Variants in PCDHGA5 observed in about 807,000 individuals in gnomAD.
PCDHGA5 encodes protocadherin gamma-A5.
PCDHGA5 carries 36 observed loss-of-function variants against 56.7 expected under a neutral mutation model. The observed-to-expected ratio is 0.64, with a 90% CI of 0.49 to 0.84. The LOEUF (loss-of-function observed/expected upper bound fraction) is 0.84, where lower values mean the gene tolerates loss of function less well. PCDHGA5 is among the 40% of genes least tolerant of loss of function. PCDHGA5 has a pLI of 0.00. For synonymous variants in PCDHGA5, 563 were observed against 520.2 expected, an observed-to-expected ratio of 1.08 and a Z score of -1.12; for missense variants, 1,305 against 1,201.5, an observed-to-expected ratio of 1.09 and a Z score of -1.27.
intron 1 of PCDHGA5, chr5:141,374,146 G>A (rs770813485): frequency 5.0e-6 from 8 of 1,611,142 alleles, no homozygotes; most frequent in East Asian, 4.5e-5. Context: ...CGCTCCTGGG[G>A]ACGCTGTGGG....
In PCDHGA5 at chr5:141,389,482, G is replaced by A. The variant is rs766365115; in HGVS notation, c.2421+22731G>A. ...GCCTTCGAACTCACACTGCAGGCCC[G>A]CGACCAGGGCTCGCCAGCGCTCAGC... is the stretch of plus-strand genomic sequence containing the variant. On this transcript the variant is annotated intron_variant, in intron 1 of 3. Transcript: ENST00000518069. 4 of 1,613,080 alleles carry A rather than the reference G, an allele frequency of 2.5e-6. No homozygotes were observed. The South Asian group carries it at 3.3e-5, about 13-fold the overall frequency.
At position 141,490,785 on chromosome 5, in the gene PCDHGA5, G is replaced by A. The variant is rs1021708826; in HGVS notation, c.2422-4022G>A. 1.2e-6 allele frequency: 2 copies of A among 1,614,066 alleles called. No individual in the cohort carries two copies. Among genetic ancestry groups the A allele is most frequent in the Non-Finnish European group, 1.7e-6 (2 of 1,179,952 alleles). On this transcript the variant is annotated intron_variant, in intron 1 of 3. Coordinates refer to ENST00000518069, the MANE Select transcript of PCDHGA5 (RefSeq NM_018918.3). The surrounding 1 kb of genome is among the most constrained non-coding windows in gnomAD (Gnocchi z 5.4). ...TGTATGTCAACCCAGAGGATGGACG[G>A]ATCTTTGCCCAGCGTACCTTTGACT...
chr5:141,381,826 CTTTT>C (rs770630741), intron 1 of PCDHGA5, among the ~76,000 whole-genome samples: 27 of 74,296 alleles, frequency 3.6e-4, no homozygotes, highest in Middle Eastern at 8.1e-3. Context: ...CTTTCTTCTT[CTTTT>C]TTTTTTTTTT....
chr5:141,468,677 T>A (rs545029270), intron 1 of PCDHGA5: 1 of 150,902 alleles, frequency 6.6e-6, no homozygotes, highest in African/African-American at 2.4e-5. Flanking sequence ...CCATCCTGGC[T>A]AACACGGTGA....
chr5:141,448,099 T>C (rs1002430560), intron 1 of PCDHGA5, among the ~76,000 whole-genome samples: 1 of 151,272 alleles, frequency 6.6e-6, no homozygotes, highest in African/African-American at 2.4e-5. Context: ...AAAAAAAAAA[T>C]TAAAAGAAAA....
intron 1 of PCDHGA5, chr5:141,393,144 G>T (rs745405842): frequency 1.2e-6 from 2 of 1,613,316 alleles, no homozygotes; most frequent in Non-Finnish European, 1.7e-6. Flanking sequence ...CACCCTGGTT[G>T]AGGATAAAGG....
chr5:141,375,676 G>A, intron 1 of PCDHGA5: 1 of 1,614,220 alleles, frequency 6.2e-7, no homozygotes, highest in Middle Eastern at 1.6e-4. Flanking sequence ...TACAGCTGTG[G>A]GTGACAGCCA....
intron 1 of PCDHGA5, chr5:141,419,412 G>A (rs770138290): frequency 1.9e-6 from 3 of 1,613,446 alleles, no homozygotes; most frequent in South Asian, 2.2e-5. Context: ...TTCGCGCAGC[G>A]CGCCTTCGAC....
intron 1 of PCDHGA5, chr5:141,374,688 G>A (rs750510871): frequency 3.1e-6 from 5 of 1,609,528 alleles, no homozygotes; most frequent in East Asian, 2.2e-5. Context: ...ACACTGGACC[G>A]GGAAGGAGAA....
chr5:141,455,143 T>C (rs984886337), intron 1 of PCDHGA5, among the ~76,000 whole-genome samples: 1 of 149,894 alleles, frequency 6.7e-6, no homozygotes, highest in Non-Finnish European at 1.5e-5. Flanking sequence ...CTGTGTTAAA[T>C]AAATATTAGT....
chr5:141,463,135 C>G (rs1352400365), intron 1 of PCDHGA5, among the ~76,000 whole-genome samples: 1 of 152,128 alleles, frequency 6.6e-6, no homozygotes, highest in African/African-American at 2.4e-5. Flanking sequence ...GGCAGTTCTT[C>G]GCCCAGCTGC....
rs781586915 is a variant in PCDHGA5, at chr5:141,389,444, C to G, written c.2421+22693C>G. 7.0e-5 allele frequency: 112 copies of G among 1,610,446 alleles called. No homozygotes were observed. Among genetic ancestry groups the G allele is most frequent in the Middle Eastern group, 1.7e-4 (1 of 5,992 alleles). On this transcript the variant is annotated intron_variant, in intron 1 of 3. Transcript: ENST00000518069. Reference sequence around the variant, plus strand: ...TGTTCGCGCAGCGCGCCTTCGACCACGAGCAGCTGCGCGCCTTCGAACTCA... The same window carrying G: ...TGTTCGCGCAGCGCGCCTTCGACCAGGAGCAGCTGCGCGCCTTCGAACTCA...
rs141295392 is a variant in PCDHGA5 at position 141,393,658 on chromosome 5, G to A, written c.2421+26907G>A. 3.0e-5 allele frequency: 49 copies of A among 1,613,798 alleles called. No homozygotes were observed. The Middle Eastern group carries it at 6.6e-4, about 22-fold the overall frequency. ...AACGGAAAAGTGGCATACAAATTCC[G>A]GAAAATTAATGAAAAACAAACTCCG... On this transcript the variant is annotated intron_variant, in intron 1 of 3. Transcript: ENST00000518069.
Position 141,491,029 on chromosome 5 carries a change from G to T in PCDHGA5, c.2422-3778G>T. 1 of 1,614,172 alleles carries T rather than the reference G, an allele frequency of 6.2e-7. No homozygotes were observed. The highest frequency in any genetic ancestry group is 1.1e-5 in the South Asian group (1 of 91,088). On this transcript the variant is annotated intron_variant, in intron 1 of 3. Coordinates refer to ENST00000518069, the MANE Select transcript of PCDHGA5 (RefSeq NM_018918.3). The surrounding 1 kb of genome is among the most constrained non-coding windows in gnomAD (Gnocchi z 6.9). ...GGTCACCAAGGTGACAGCCGTGGAT[G>T]CTGATGCAGGCCACAATGCGTGGCT...
intron 1 of PCDHGA5, chr5:141,421,236 TCGGCTACAG>T (rs761399164): frequency 3.8e-5 from 60 of 1,594,916 alleles, no homozygotes; most frequent in Non-Finnish European, 5.1e-5. Flanking sequence ...CCATGGCGAA[TCGGCTACAG>T]CGCGGGGACC....
intron 1 of PCDHGA5, chr5:141,423,595 G>A: frequency 6.2e-7 from 1 of 1,613,216 alleles, no homozygotes; most frequent in Non-Finnish European, 8.5e-7. Flanking sequence ...TGAGAAAAGC[G>A]AGCCACTCTT....
At chr5:141,404,488 T>A in intron 1 of PCDHGA5, 1 of 1,613,536 alleles carries the variant, frequency 6.2e-7, no homozygotes, top group Non-Finnish European at 8.5e-7. Context: ...CAGACACTGG[T>A]GTGCTGTATG....
intron 1 of PCDHGA5, chr5:141,429,173 C>CA (rs1561839883): frequency 7.9e-6 from 1 of 125,872 alleles, no homozygotes; most frequent in Non-Finnish European, 1.7e-5. Flanking sequence ...TGTTTATACA[C>CA]ACACACACAC....
intron 1 of PCDHGA5, among the ~76,000 whole-genome samples, chr5:141,474,311 G>T (rs1374954373): frequency 1.3e-5 from 2 of 152,134 alleles, no homozygotes. Context: ...AAACTTTAAT[G>T]TGTTTTCAAA....
Sources: allele counts gnomAD v4.1 joint callset (sites outside exome capture counted in the v4.1 genomes callset), GRCh38; gene constraint gnomAD v4.1.1; non-coding constraint Gnocchi (gnomAD v3.1); transcripts MANE v1.5; gene names NCBI Gene and HGNC (gene_info 2026-07-23, HGNC 2026-07-21).